RALGAPA1: variants seen among roughly 807,000 people sequenced by gnomAD.
RALGAPA1 encodes the protein Ral GTPase activating protein catalytic subunit alpha 1.
A neutral mutation model predicts 269.6 loss-of-function variants in RALGAPA1; 52 were observed. The ratio of observed to expected loss-of-function variants is 0.19; its 90% CI spans 0.15 to 0.24. RALGAPA1 has a LOEUF of 0.24. Among genes scored for constraint, RALGAPA1 ranks in the 10% least tolerant of loss-of-function variants. The probability of loss-of-function intolerance (pLI) is 1.00; values close to 1 mark genes in which losing one functional copy is unlikely to be tolerated. For missense variants in RALGAPA1, 1,917 were observed against 3,013.9 expected, an observed-to-expected ratio of 0.64 and a Z score of 8.52; for synonymous variants, 817 against 1,008.3, an observed-to-expected ratio of 0.81 and a Z score of 3.60.
chr14:35,548,610 T>C, intron 40 of RALGAPA1, 72 bp from the exon 41 acceptor site: 3 of 1,013,352 alleles, frequency 3.0e-6, no homozygotes. Flanking sequence ...CCACGAGTCA[T>C]TTATTTTCTT....
chr14:35,721,940 T>A lies in RALGAPA1; in HGVS notation c.2105-91A>T, dbSNP rs534098844. ...TGCTACCTTGCCTCAGAGTCTTAGG[T>A]TTGCTCACATAAATTATAAAGTAAT... is the stretch of plus-strand genomic sequence containing the variant. On this transcript the variant is annotated intron_variant, in intron 15 of 41. Transcript: ENST00000680220. The A allele has an allele frequency of 4.8e-6, 5 of 1,040,022 alleles. No homozygotes were observed. The Admixed American group carries it at 1.0e-4, about 22-fold the overall frequency. The allele number at this position is 1,040,022 out of a possible 1,614,324, so 64.4% of individuals were successfully genotyped here.
At chr14:35,682,305 G>T (rs1005621399) in intron 21 of RALGAPA1, among the ~76,000 whole-genome samples, 7 of 144,046 alleles carry the variant, frequency 4.9e-5, no homozygotes, top group Non-Finnish European at 9.2e-5. Flanking sequence ...TCAGTGTGTG[G>T]TTTTTTTTTT....
At chr14:35,791,308 C>T (rs1342880706) in intron 1 of RALGAPA1, among the ~76,000 whole-genome samples, 1 of 152,124 alleles carries the variant, frequency 6.6e-6, no homozygotes, top group Non-Finnish European at 1.5e-5. Flanking sequence ...ATGTCTTTCA[C>T]CTTAACTTAA....
At chr14:35,597,056 C>A (rs761248088) in intron 36 of RALGAPA1, among the ~76,000 whole-genome samples, 1 of 152,112 alleles carries the variant, frequency 6.6e-6, no homozygotes, top group South Asian at 2.1e-4. Context: ...ATCATTTAGT[C>A]CCCTACTTGA....
intron 39 of RALGAPA1, among the ~76,000 whole-genome samples, chr14:35,554,624 G>A (rs1056040092): frequency 3.9e-5 from 6 of 152,030 alleles, no homozygotes; most frequent in African/African-American, 7.2e-5. Flanking sequence ...GGGATTACAG[G>A]CGTGAGCCAC....
At chr14:35,555,611 G>A (rs1175801120) in intron 39 of RALGAPA1, among the ~76,000 whole-genome samples, 2 of 152,150 alleles carry the variant, frequency 1.3e-5, no homozygotes, top group Non-Finnish European at 2.9e-5. Context: ...ATCATTTATC[G>A]AGAATATTTA....
At chr14:35,593,493 G>A (rs2058752666) in intron 37 of RALGAPA1, among the ~76,000 whole-genome samples, 2 of 151,930 alleles carry the variant, frequency 1.3e-5, no homozygotes. Flanking sequence ...AAATTCGTAT[G>A]GAACCACAAA....
chr14:35,804,819 C>CCG (rs1209362175), intron 1 of RALGAPA1, among the ~76,000 whole-genome samples: 7 of 151,386 alleles, frequency 4.6e-5, no homozygotes, highest in Admixed American at 3.9e-4. Flanking sequence ...GTCCCAGCTA[C>CCG]TAGGGAGGTA....
At chr14:35,675,439 G>A (rs945461066) in intron 22 of RALGAPA1, among the ~76,000 whole-genome samples, 1 of 152,186 alleles carries the variant, frequency 6.6e-6, no homozygotes, top group African/African-American at 2.4e-5. Flanking sequence ...GCCTCCCAAA[G>A]TGTCGGGATT....
chr14:35,711,445 C>G (rs1328518881), intron 16 of RALGAPA1, among the ~76,000 whole-genome samples: 1 of 152,118 alleles, frequency 6.6e-6, no homozygotes, highest in Non-Finnish European at 1.5e-5. Flanking sequence ...AACAACTAAT[C>G]CAAGTCTTCT....
chr14:35,555,299 G>A (rs894104087), intron 39 of RALGAPA1, among the ~76,000 whole-genome samples: 1 of 151,996 alleles, frequency 6.6e-6, no homozygotes, highest in African/African-American at 2.4e-5. Flanking sequence ...CATTGGTTGT[G>A]ATAATTGTTT....
chr14:35,587,646 A>T (rs2058383923), intron 37 of RALGAPA1, among the ~76,000 whole-genome samples: 1 of 149,710 alleles, frequency 6.7e-6, no homozygotes, highest in Non-Finnish European at 1.5e-5. Flanking sequence ...GCATGTTCTC[A>T]CTCATAGGTG....
intron 10 of RALGAPA1, among the ~76,000 whole-genome samples, chr14:35,742,768 A>G (rs1311103079): frequency 3.9e-5 from 6 of 152,076 alleles, no homozygotes; most frequent in Non-Finnish European, 8.8e-5. Flanking sequence ...TCTAGTAAAA[A>G]AAAAAAAAAA....
intron 37 of RALGAPA1, among the ~76,000 whole-genome samples, chr14:35,577,596 A>T (rs1159108709): frequency 6.6e-6 from 1 of 152,120 alleles, no homozygotes; most frequent in Non-Finnish European, 1.5e-5. Flanking sequence ...TATTTTTGTT[A>T]TATCAGCCTG....
At chr14:35,794,344 GCACA>G (rs2076404702) in intron 1 of RALGAPA1, among the ~76,000 whole-genome samples, 1 of 151,842 alleles carries the variant, frequency 6.6e-6, no homozygotes, top group Non-Finnish European at 1.5e-5. Context: ...CTATATATAT[GCACA>G]CACACACGCA....
chr14:35,541,761 T>C (rs992850742), intron 41 of RALGAPA1: 1 of 457,058 alleles, frequency 2.2e-6, no homozygotes, highest in South Asian at 1.5e-5. Flanking sequence ...CAATGTTTTC[T>C]AGCGGAGGTT....
intron 40 of RALGAPA1, 54 bp downstream of exon 40, chr14:35,549,056 G>T: frequency 1.3e-6 from 2 of 1,589,378 alleles, no homozygotes; most frequent in South Asian, 2.2e-5. Context: ...GAACAAAAGG[G>T]TACTGCATTT....
chr14:35,687,015 C>T (rs777411192), intron 18 of RALGAPA1, among the ~76,000 whole-genome samples: 21 of 152,164 alleles, frequency 1.4e-4, no homozygotes, highest in South Asian at 2.1e-4. Context: ...TTTATAATTC[C>T]GTATTTCCCC....
At chr14:35,724,456 T>C (rs997113086) in intron 14 of RALGAPA1, among the ~76,000 whole-genome samples, 2 of 152,106 alleles carry the variant, frequency 1.3e-5, no homozygotes, top group Non-Finnish European at 2.9e-5. Flanking sequence ...GAATCCATAA[T>C]ACATTTAAAG....
Sources: gnomAD v4.1 joint callset for allele counts (sites outside exome capture counted in the v4.1 genomes callset) on GRCh38, gnomAD v4.1.1 for gene constraint, MANE v1.5 for transcripts, NCBI Gene and HGNC (gene_info 2026-07-23, HGNC 2026-07-21) for gene names.